The following COL14A1 variants were observed in gnomAD, a reference collection of about 807,000 sequenced individuals.
COL14A1 encodes collagen alpha-1(XIV) chain.
COL14A1 carries 136 observed loss-of-function variants against 230.3 expected under a neutral mutation model. The observed-to-expected ratio is 0.59, with a 90% CI of 0.51 to 0.68. COL14A1 has a LOEUF of 0.68. Among genes scored for constraint, COL14A1 ranks in the 30% least tolerant of loss-of-function variants. The probability of loss-of-function intolerance (pLI) is 0.00; values close to 1 mark genes in which losing one functional copy is unlikely to be tolerated. For missense variants in COL14A1, 1,976 were observed against 2,215.8 expected (o/e 0.89, Z 2.17); for synonymous variants, 792 against 784.1 (o/e 1.01, Z -0.17).
At chr8:120,297,071 C>T (rs982974994) in intron 34 of COL14A1, among the ~76,000 whole-genome samples, 8 of 151,906 alleles carry the variant, frequency 5.3e-5, no homozygotes, top group Non-Finnish European at 5.9e-5. Context: ...TTCCTGAGTG[C>T]TTTTTATATG....
At chr8:120,315,694 C>A in intron 39 of COL14A1, 108 bp downstream of exon 39, 1 of 964,690 alleles carries the variant, frequency 1.0e-6, no homozygotes, top group Admixed American at 2.3e-5. Context: ...AAGTGTTTTC[C>A]ATATTAAAGA....
At chr8:120,360,165 T>C (rs1823141724) in intron 45 of COL14A1, among the ~76,000 whole-genome samples, 1 of 152,130 alleles carries the variant, frequency 6.6e-6, no homozygotes, top group African/African-American at 2.4e-5. Flanking sequence ...TAGCACAGGG[T>C]TTACCAGTGG....
chr8:120,168,113 T>G, intron 4 of COL14A1, 48 bp from the exon 5 acceptor site: 1 of 1,315,564 alleles, frequency 7.6e-7, no homozygotes. Context: ...GAATATTTTC[T>G]TTTAGATTTT....
chr8:120,364,984 C>G (rs933130538), intron 45 of COL14A1, among the ~76,000 whole-genome samples: 5 of 149,854 alleles, frequency 3.3e-5, no homozygotes, highest in African/African-American at 9.9e-5. Context: ...TTTTTGTTTT[C>G]TAAGGCATTT....
chr8:120,187,913 C>T (rs1477289120), intron 5 of COL14A1, among the ~76,000 whole-genome samples: 1 of 152,120 alleles, frequency 6.6e-6, no homozygotes, highest in Non-Finnish European at 1.5e-5. Context: ...AGACACATTA[C>T]TTGGGTTTCA....
chr8:120,148,195 T>C (rs1323691544), intron 2 of COL14A1, among the ~76,000 whole-genome samples: 1 of 150,460 alleles, frequency 6.6e-6, no homozygotes, highest in Admixed American at 6.6e-5. Flanking sequence ...AGCCCAGGTA[T>C]GATCTTGGCT....
chr8:120,218,278 T>G (rs1382254878), intron 14 of COL14A1, among the ~76,000 whole-genome samples: 4 of 143,726 alleles, frequency 2.8e-5, no homozygotes, highest in Non-Finnish European at 6.0e-5. Context: ...ATATAATATA[T>G]AAATAGATAT....
chr8:120,181,526 T>G (rs1299392312), intron 5 of COL14A1, among the ~76,000 whole-genome samples: 1 of 152,212 alleles, frequency 6.6e-6, no homozygotes, highest in African/African-American at 2.4e-5. Context: ...ATTAATTATT[T>G]TATCTGTTAA....
intron 13 of COL14A1, 89 bp downstream of exon 13, chr8:120,212,666 A>C (rs901707619): frequency 7.0e-5 from 99 of 1,418,924 alleles, no homozygotes; most frequent in Non-Finnish European, 7.4e-5. Context: ...GTTTTGTTGA[A>C]ACCTCTTAAA....
chr8:120,317,632 T>C (rs1821281144), intron 40 of COL14A1, among the ~76,000 whole-genome samples: 1 of 152,210 alleles, frequency 6.6e-6, no homozygotes, highest in South Asian at 2.1e-4. Context: ...TTTAGTTCGG[T>C]GAGTTTATTT....
intron 26 of COL14A1, among the ~76,000 whole-genome samples, chr8:120,274,404 T>A (rs1819775434): frequency 1.3e-5 from 2 of 151,806 alleles, no homozygotes; most frequent in South Asian, 4.2e-4. Context: ...GCATTCCTTC[T>A]GAGAACTGGA....
chr8:120,339,574 C>G (rs1391096262), intron 42 of COL14A1, among the ~76,000 whole-genome samples: 1 of 152,166 alleles, frequency 6.6e-6, no homozygotes, highest in Non-Finnish European at 1.5e-5. Context: ...TTAGTGGCCT[C>G]ATCTTACAAA....
intron 40 of COL14A1, among the ~76,000 whole-genome samples, chr8:120,317,482 T>A (rs1821274891): frequency 6.6e-6 from 1 of 152,242 alleles, no homozygotes; most frequent in Non-Finnish European, 1.5e-5. Context: ...GTTAGATTTA[T>A]GTAGCATTCT....
At chr8:120,223,790 A>G (rs1337311015) in intron 14 of COL14A1, among the ~76,000 whole-genome samples, 1 of 152,076 alleles carries the variant, frequency 6.6e-6, no homozygotes, top group Non-Finnish European at 1.5e-5. Context: ...CATTTCTTAA[A>G]TTTTCCAGAG....
At position 120,244,065 on chromosome 8, in the gene COL14A1, T is replaced by C. The variant is rs1487465783; in HGVS notation, c.2479+57T>C. On this transcript the variant is annotated intron_variant, in intron 20 of 47. Transcript: ENST00000297848. Reference sequence around the variant, plus strand: ...CCGACTCATTAAATGGAAATGCTTGTCCCCTGTAATGCACCCTGAAAGATA... The same window carrying C: ...CCGACTCATTAAATGGAAATGCTTGCCCCCTGTAATGCACCCTGAAAGATA... 4 of 1,574,868 alleles carry C rather than the reference T, an allele frequency of 2.5e-6. No individual in the cohort carries two copies. In the East Asian group the frequency reaches 9.2e-5, roughly 36 times the overall value.
intron 34 of COL14A1, among the ~76,000 whole-genome samples, chr8:120,295,325 C>A (rs1820492819): frequency 2.0e-5 from 3 of 151,752 alleles, no homozygotes. Context: ...ATGGGGCATG[C>A]CATTTAAATC....
intron 34 of COL14A1, among the ~76,000 whole-genome samples, chr8:120,296,131 A>T (rs1820523030): frequency 1.3e-5 from 2 of 151,786 alleles, no homozygotes. Context: ...GGACAGTCTC[A>T]GTTATCATAC....
At chr8:120,310,379 T>C (rs2130085130) in intron 37 of COL14A1, among the ~76,000 whole-genome samples, 1 of 152,312 alleles carries the variant, frequency 6.6e-6, no homozygotes, top group African/African-American at 2.4e-5. Flanking sequence ...AACAAAAACG[T>C]ATCTTTAGAG....
At chr8:120,188,551 CTA>C (rs1426964645) in intron 5 of COL14A1, among the ~76,000 whole-genome samples, 1 of 152,154 alleles carries the variant, frequency 6.6e-6, no homozygotes, top group Non-Finnish European at 1.5e-5. Flanking sequence ...TGACATGAAA[CTA>C]TTATTATTAT....
Sources: allele counts gnomAD v4.1 joint callset (sites outside exome capture counted in the v4.1 genomes callset), GRCh38; gene constraint gnomAD v4.1.1; transcripts MANE v1.5; gene names NCBI Gene and HGNC (gene_info 2026-07-23, HGNC 2026-07-21).